The following DNAH11 variants were observed in gnomAD, a reference collection of about 807,000 sequenced individuals.
DNAH11 encodes axonemal beta dynein heavy chain 11.
Under a neutral mutation model 526.0 loss-of-function variants are expected in DNAH11, and 442 were observed. The ratio of observed to expected loss-of-function variants is 0.84; its 90% CI spans 0.78 to 0.91. The LOEUF (loss-of-function observed/expected upper bound fraction) is 0.91. DNAH11 is among the 40% of genes least tolerant of loss of function. DNAH11 has a pLI of 0.00. For missense variants in DNAH11, 6,989 were observed against 5,448.7 expected (o/e 1.28, Z -8.90); for synonymous variants, 2,461 against 1,935.9 (o/e 1.27, Z -7.12).
chr7:21,702,135 C>T (rs1784089570), intron 36 of DNAH11, among the ~76,000 whole-genome samples: 2 of 152,160 alleles, frequency 1.3e-5, no homozygotes, highest in African/African-American at 4.8e-5. Context: ...CTGAGATCCT[C>T]TAAGAGCTCA....
intron 49 of DNAH11, among the ~76,000 whole-genome samples, chr7:21,742,600 G>A (rs1397475041): frequency 1.3e-5 from 2 of 152,110 alleles, no homozygotes; most frequent in South Asian, 2.1e-4. Context: ...ACTGGGAATC[G>A]CATTTCAACC....
At chr7:21,651,642 A>G (rs2128463974) in intron 28 of DNAH11, among the ~76,000 whole-genome samples, 1 of 152,370 alleles carries the variant, frequency 6.6e-6, no homozygotes, top group African/African-American at 2.4e-5. Flanking sequence ...TTACAATTAG[A>G]TAAATGTAAG....
At chr7:21,746,077 A>C (rs894119081) in intron 51 of DNAH11, among the ~76,000 whole-genome samples, 2 of 152,212 alleles carry the variant, frequency 1.3e-5, no homozygotes, top group African/African-American at 4.8e-5. Context: ...ATTTTATTCT[A>C]AGTGCAGTGA....
intron 80 of DNAH11, 144 bp downstream of exon 80, chr7:21,899,592 T>C: frequency 2.8e-6 from 2 of 713,930 alleles, no homozygotes; most frequent in Non-Finnish European, 2.3e-6. Context: ...CCAGCAGCTA[T>C]AGAGGAAACA....
chr7:21,787,142 C>G (rs1445308311), intron 59 of DNAH11, among the ~76,000 whole-genome samples: 2 of 152,124 alleles, frequency 1.3e-5, no homozygotes, highest in Non-Finnish European at 2.9e-5. Flanking sequence ...TTATTTTCTG[C>G]CTTTCTTTTC....
At chr7:21,828,757 T>G (rs1790420183) in intron 65 of DNAH11, among the ~76,000 whole-genome samples, 1 of 148,156 alleles carries the variant, frequency 6.7e-6, no homozygotes, top group Admixed American at 6.7e-5. Flanking sequence ...TTCATTTTTC[T>G]GGGTTTTTTT....
intron 25 of DNAH11, among the ~76,000 whole-genome samples, chr7:21,624,620 T>C (rs926792861): frequency 6.6e-6 from 1 of 152,156 alleles, no homozygotes; most frequent in Non-Finnish European, 1.5e-5. Context: ...GGCATCCTTA[T>C]CTTTTTCCTG....
rs966907044 is a variant in DNAH11, at chr7:21,543,547, G to C, written c.302G>C (p.Cys101Ser). The C allele has an allele frequency of 3.1e-6, 5 of 1,609,016 alleles. No individual in the cohort carries two copies. Among genetic ancestry groups the C allele is most frequent in the African/African-American group, 1.3e-5 (1 of 75,028 alleles). The change falls in exon 1 of 82, where the codon TGC becomes TCC. Residue 101 changes from cysteine (C) to serine (S), a missense_variant. By Grantham distance (112) the Cys-to-Ser change is moderately radical. Coordinates refer to ENST00000409508, the MANE Select transcript of DNAH11 (RefSeq NM_001277115.2). ...GEFLESTSPA[C>S]LVFSFAASGR... ...TTTCTGGAAAGCACCAGCCCGGCTTGCCTTGTGTTTAGCTTCGCCGCCTCG... is the reference window on the plus strand; with the variant it reads ...TTTCTGGAAAGCACCAGCCCGGCTTCCCTTGTGTTTAGCTTCGCCGCCTCG...
At chr7:21,688,283 C>T (rs1163650200) in intron 34 of DNAH11, among the ~76,000 whole-genome samples, 1 of 152,168 alleles carries the variant, frequency 6.6e-6, no homozygotes, top group African/African-American at 2.4e-5. Context: ...AGAAGAGTAC[C>T]TGCCTTATAG....
chr7:21,771,854 A>C (rs1181813544), intron 55 of DNAH11, among the ~76,000 whole-genome samples: 3 of 152,080 alleles, frequency 2.0e-5, no homozygotes, highest in Non-Finnish European at 2.9e-5. Flanking sequence ...CCCCCCACAA[A>C]AAAAAATAAT....
At chr7:21,672,895 C>A (rs987574973) in intron 30 of DNAH11, among the ~76,000 whole-genome samples, 7 of 152,156 alleles carry the variant, frequency 4.6e-5, no homozygotes, top group Admixed American at 3.9e-4. Flanking sequence ...CTGTTACTTT[C>A]TAGGTCTGAC....
intron 25 of DNAH11, among the ~76,000 whole-genome samples, chr7:21,626,166 A>G (rs1267828171): frequency 6.6e-6 from 1 of 151,854 alleles, no homozygotes; most frequent in Non-Finnish European, 1.5e-5. Flanking sequence ...GTCTTATGAG[A>G]CCCGCTTTTT....
intron 76 of DNAH11, among the ~76,000 whole-genome samples, chr7:21,885,134 G>A (rs1488010625): frequency 8.1e-6 from 1 of 123,028 alleles, no homozygotes; most frequent in Non-Finnish European, 1.6e-5. Context: ...CAAGGGCAAG[G>A]TAAGAACCTT....
In DNAH11 at chr7:21,786,696, G is replaced by C. The variant is rs767775390; in HGVS notation, c.9670G>C (p.Val3224Leu). 4 of 1,613,840 alleles carry C rather than the reference G, an allele frequency of 2.5e-6. No homozygotes were observed. The highest frequency in any genetic ancestry group is 1.3e-5 in the African/African-American group (1 of 75,008). Residue 3224 changes from valine to leucine, a missense_variant, in exon 59 of 82, where the codon GTC becomes CTC. Transcript: ENST00000409508. ...AVTNVTAAVM[V>L]LLAPRGRVPK... ...TACCAATGTTACTGCAGCCGTGATG[G>C]TCCTTCTGGCTCCTCGGGGAAGAGT...
chr7:21,775,438 G>C (rs1177026075), intron 56 of DNAH11, among the ~76,000 whole-genome samples: 1 of 151,974 alleles, frequency 6.6e-6, no homozygotes, highest in African/African-American at 2.4e-5. Flanking sequence ...ACAACAAAAT[G>C]AGACCCAATC....
intron 65 of DNAH11, among the ~76,000 whole-genome samples, chr7:21,839,163 C>A (rs568688943): frequency 3.9e-5 from 6 of 152,118 alleles, no homozygotes; most frequent in African/African-American, 1.2e-4. Context: ...TTATTTAGTT[C>A]TTTTACCCAT....
At chr7:21,562,912 G>A (rs1332704171) in intron 5 of DNAH11, among the ~76,000 whole-genome samples, 1 of 152,100 alleles carries the variant, frequency 6.6e-6, no homozygotes, top group Non-Finnish European at 1.5e-5. Flanking sequence ...TTGACTCCTG[G>A]TGACAAAATT....
chr7:21,637,098 A>G (rs1182742960), intron 26 of DNAH11, among the ~76,000 whole-genome samples: 1 of 152,152 alleles, frequency 6.6e-6, no homozygotes, highest in South Asian at 2.1e-4. Flanking sequence ...ACTTTTGAGG[A>G]AGAAAAAATA....
At chr7:21,898,774 G>T (rs73683007) in intron 79 of DNAH11, among the ~76,000 whole-genome samples, 1 of 152,126 alleles carries the variant, frequency 6.6e-6, no homozygotes, top group East Asian at 1.9e-4. Context: ...ACCCACCGGC[G>T]TGCCATTCCT....
Sources: allele counts gnomAD v4.1 joint callset (sites outside exome capture counted in the v4.1 genomes callset), GRCh38; gene constraint gnomAD v4.1.1; transcripts MANE v1.5; gene names NCBI Gene and HGNC (gene_info 2026-07-23, HGNC 2026-07-21).